GJA3: variants seen among roughly 807,000 people sequenced by gnomAD.
GJA3 encodes gap junction alpha-3 protein.
For missense variants in GJA3, 571 were observed against 620.3 expected, an observed-to-expected ratio of 0.92 and a Z score of 0.84; for synonymous variants, 297 against 292.6, an observed-to-expected ratio of 1.02 and a Z score of -0.15.
chr13:20,154,574 G>A (rs916277730), intron 1 of GJA3, among the ~76,000 whole-genome samples: 1 of 151,950 alleles, frequency 6.6e-6, no homozygotes, highest in Non-Finnish European at 1.5e-5. Flanking sequence ...TCCCTTTGCT[G>A]GCCAGGACTT....
In GJA3 at chr13:20,139,214, C is replaced by T. The variant is rs1208942062; in HGVS notation, c.*2767G>A. 2 of 151,838 alleles carry T rather than the reference C, an allele frequency of 1.3e-5. No homozygotes were observed. Among genetic ancestry groups the T allele is most frequent in the African/African-American group, 4.8e-5 (2 of 41,312 alleles). 9.4% of individuals were successfully genotyped at this position (151,838 alleles called of 1,614,324 possible). A position where few individuals can be genotyped will look rare whatever the true frequency, so the allele number is the denominator to read the frequency against. ...AGTGATGTTTAACATTTTATAAAAA[C>T]AGGGATATAAGAAGTAATTGTATAC... On this transcript the variant is annotated 3_prime_UTR_variant, in exon 2 of 2. Coordinates refer to ENST00000241125, the MANE Select transcript of GJA3 (RefSeq NM_021954.4).
intron 1 of GJA3, among the ~76,000 whole-genome samples, chr13:20,159,419 T>G (rs556014509): frequency 2.0e-3 from 229 of 116,792 alleles, no homozygotes; most frequent in African/African-American, 7.5e-3. Context: ...ATCGCACCAC[T>G]GCACTCCAGC....
intron 1 of GJA3, among the ~76,000 whole-genome samples, chr13:20,154,632 T>C (rs1445665739): frequency 1.3e-5 from 2 of 152,260 alleles, no homozygotes; most frequent in Admixed American, 1.3e-4. Context: ...CTGACTTTAA[T>C]ATGAATGCTT....
At chr13:20,157,453 T>C (rs1041644646) in intron 1 of GJA3, among the ~76,000 whole-genome samples, 13 of 152,222 alleles carry the variant, frequency 8.5e-5, no homozygotes, top group Middle Eastern at 3.2e-3. Context: ...TGGCAAGGGA[T>C]GAACCTTAGA....
At position 20,143,256 on chromosome 13, in the gene GJA3, TAA is replaced by T; in HGVS notation, c.31_32del (p.Leu11ArgfsTer37). 6.5e-7 allele frequency: 1 copy of T among 1,528,510 alleles called. No homozygotes were observed. 94.7% of individuals were successfully genotyped at this position (1,528,510 alleles called of 1,614,324 possible). On this transcript the variant is annotated frameshift_variant, in exon 2 of 2. Coordinates refer to ENST00000241125, the MANE Select transcript of GJA3 (RefSeq NM_021954.4). LOFTEE classifies it low-confidence loss of function (END_TRUNC). Reference protein sequence around the residue: MGDWSFLGRLLENAQEHSTVI... With the variant: MGDWSFLGRLXENAQEHSTVI... The stretch of plus-strand genomic sequence containing the variant: ...CCGTGGAGTGCTCCTGTGCATTTTC[TAA>T]GAGTCTTCCCAGAAAGCTCCAGTCG...
chr13:20,155,153 C>T (rs1207518989), intron 1 of GJA3, among the ~76,000 whole-genome samples: 6 of 152,234 alleles, frequency 3.9e-5, no homozygotes, highest in African/African-American at 1.4e-4. Flanking sequence ...GCCACCACGC[C>T]TATCAATGAT....
At chr13:20,153,045 C>T (rs1593338810) in intron 1 of GJA3, among the ~76,000 whole-genome samples, 1 of 152,148 alleles carries the variant, frequency 6.6e-6, no homozygotes, top group Non-Finnish European at 1.5e-5. Flanking sequence ...CTTCCATTAG[C>T]CTCTTTCATT....
chr13:20,141,489 T>C lies in GJA3; in HGVS notation c.*492A>G, dbSNP rs1205909615. ...TCTTTTTTTAGTGCAGTTTGGCAAA[T>C]ATCCCAAATGAAATTCAACTCTAAG... On this transcript the variant is annotated 3_prime_UTR_variant, in exon 2 of 2. Coordinates refer to ENST00000241125, the MANE Select transcript of GJA3 (RefSeq NM_021954.4). 1 of 153,182 alleles carries C rather than the reference T, an allele frequency of 6.5e-6. No homozygotes were observed. Among genetic ancestry groups the C allele is most frequent in the Admixed American group, 6.5e-5 (1 of 15,312 alleles). 9.5% of individuals were successfully genotyped at this position (153,182 alleles called of 1,614,324 possible).
intron 1 of GJA3, among the ~76,000 whole-genome samples, chr13:20,151,549 G>A (rs7318439): frequency 0.06 from 9,152 of 152,240 alleles, 497 homozygotes; most frequent in African/African-American, 0.14. Context: ...GTGGAAAGCC[G>A]CGGAGGAGCA....
At chr13:20,149,326 G>C (rs1398204280) in intron 1 of GJA3, among the ~76,000 whole-genome samples, 1 of 151,968 alleles carries the variant, frequency 6.6e-6, no homozygotes, top group Non-Finnish European at 1.5e-5. Flanking sequence ...GACTTCCTCT[G>C]TACAAAAAAT....
Position 20,152,204 on chromosome 13 carries a change from C to T in GJA3, c.-18+8686G>A, listed in dbSNP as rs372521265. ...AGGGCAGGGGAGGAGGAAACGGGGGCGACAGTAAAGCCCAGGGGTCTAACA... is the reference window on the plus strand; with the variant it reads ...AGGGCAGGGGAGGAGGAAACGGGGGTGACAGTAAAGCCCAGGGGTCTAACA... On this transcript the variant is annotated intron_variant, in intron 1 of 1. Transcript: ENST00000241125. Among the ~76,000 whole-genome samples, 121 of 152,084 alleles carry T rather than the reference C, an allele frequency of 8.0e-4. 1 individual carries two copies. Among genetic ancestry groups the T allele is most frequent in the African/African-American group, 2.6e-3 (106 of 41,458 alleles).
chr13:20,158,446 G>A (rs533486663), intron 1 of GJA3, among the ~76,000 whole-genome samples: 21 of 151,986 alleles, frequency 1.4e-4, no homozygotes, highest in African/African-American at 4.8e-4. Flanking sequence ...AATCCATGGA[G>A]ATAATCAGGA....
rs1485090848 is a variant in GJA3 at position 20,141,851 on chromosome 13, C to A, written c.*130G>T. On this transcript the variant is annotated 3_prime_UTR_variant, in exon 2 of 2. Transcript: ENST00000241125. ...AACCTGATCTCTCCTCCATCGTCCA[C>A]CTCCTGGGACTCCAGTCGCTCCCAC... 5.9e-6 allele frequency: 8 copies of A among 1,359,576 alleles called. No individual in the cohort carries two copies. In the East Asian group the frequency reaches 2.0e-4, roughly 35 times the overall value. 84.2% of individuals were successfully genotyped at this position (1,359,576 alleles called of 1,614,324 possible). A position where few individuals can be genotyped will look rare whatever the true frequency, so the allele number is the denominator to read the frequency against.
rs529462225 is a variant in GJA3 at position 20,145,631 on chromosome 13, C to T, written c.-17-2326G>A. Among the ~76,000 whole-genome samples the T allele has an allele frequency of 2.0e-3, 301 of 152,310 alleles. 2 individuals are homozygous for T. The highest frequency in any genetic ancestry group is 6.6e-3 in the African/African-American group (274 of 41,554). ...GACAAAACCATGATAGCATGCAAGACCCATCAGCACCTGGGCCCAGCCACG... is the reference window on the plus strand; with the variant it reads ...GACAAAACCATGATAGCATGCAAGATCCATCAGCACCTGGGCCCAGCCACG... On this transcript the variant is annotated intron_variant, in intron 1 of 1. Coordinates refer to ENST00000241125, the MANE Select transcript of GJA3 (RefSeq NM_021954.4).
chr13:20,139,976 C>A lies in GJA3; in HGVS notation c.*2005G>T, dbSNP rs114456930. The A allele has an allele frequency of 1.2e-3, 185 of 152,286 alleles. No homozygotes were observed. Among genetic ancestry groups the A allele is most frequent in the African/African-American group, 4.3e-3 (179 of 41,552 alleles). The allele number at this position is 152,286 out of a possible 1,614,324, so 9.4% of individuals were successfully genotyped here. A position where few individuals can be genotyped will look rare whatever the true frequency, so the allele number is the denominator to read the frequency against. On this transcript the variant is annotated 3_prime_UTR_variant, in exon 2 of 2. Transcript: ENST00000241125. ...ATTGCATTTTCTAAAATGGCCAAAG[C>A]TTTTTATCGGAATGCTTCTCACACT...
intron 1 of GJA3, among the ~76,000 whole-genome samples, chr13:20,152,077 C>A (rs1566518372): frequency 6.6e-6 from 1 of 152,102 alleles, no homozygotes; most frequent in Non-Finnish European, 1.5e-5. Flanking sequence ...CATGAATTGT[C>A]TGGGACATGC....
chr13:20,153,599 C>T (rs942034566), intron 1 of GJA3, among the ~76,000 whole-genome samples: 2 of 152,006 alleles, frequency 1.3e-5, no homozygotes, highest in Non-Finnish European at 2.9e-5. Flanking sequence ...CACTTGGACA[C>T]AGGGTGGGGA....
At chr13:20,156,956 C>T (rs1958910365) in intron 1 of GJA3, among the ~76,000 whole-genome samples, 1 of 152,186 alleles carries the variant, frequency 6.6e-6, no homozygotes, top group South Asian at 2.1e-4. Flanking sequence ...GCTCCATCTC[C>T]CAGTGGAGCC....
intron 1 of GJA3, among the ~76,000 whole-genome samples, chr13:20,152,160 C>T (rs1958881872): frequency 6.6e-6 from 1 of 151,890 alleles, no homozygotes; most frequent in African/African-American, 2.4e-5. Context: ...ACCAAGTGGC[C>T]CTGGATTTAG....
Sources: gnomAD v4.1 joint callset for allele counts (sites outside exome capture counted in the v4.1 genomes callset) on GRCh38, gnomAD v4.1.1 for gene constraint, MANE v1.5 for transcripts, NCBI Gene and HGNC (gene_info 2026-07-23, HGNC 2026-07-21) for gene names.